ANKRD36: variants seen among roughly 807,000 people sequenced by gnomAD.
The protein encoded by ANKRD36 is ankyrin repeat domain-containing protein 36A.
In ANKRD36, 179 loss-of-function variants were observed where a neutral mutation model predicts 278.1. The ratio of observed to expected loss-of-function variants is 0.64; its 90% confidence interval spans 0.57 to 0.73. The LOEUF (loss-of-function observed/expected upper bound fraction) is 0.73, where lower values mean the gene tolerates loss of function less well. ANKRD36 is among the 30% of genes least tolerant of loss of function. ANKRD36 has a pLI of 0.00. For missense variants in ANKRD36, 1,159 were observed against 1,956.7 expected, an observed-to-expected ratio of 0.59 and a Z score of 7.69; for synonymous variants, 320 against 641.1, an observed-to-expected ratio of 0.50 and a Z score of 7.57.
At chr2:97,113,960 C>T in intron 1 of ANKRD36, 24 bp downstream of exon 1, 1 of 1,594,316 alleles carries the variant, frequency 6.3e-7, no homozygotes, top group Non-Finnish European at 8.5e-7. Flanking sequence ...GGAGCCGGGG[C>T]TGCGGGAGGA....
intron 54 of ANKRD36, among the ~76,000 whole-genome samples, chr2:97,208,976 A>G (rs1463460306): frequency 6.8e-6 from 1 of 146,746 alleles, no homozygotes; most frequent in Admixed American, 6.7e-5. Context: ...GTCAAAGTTG[A>G]TAATTGATGA....
intron 67 of ANKRD36, among the ~76,000 whole-genome samples, chr2:97,227,572 C>T (rs2070298081): frequency 6.6e-6 from 1 of 152,098 alleles, no homozygotes; most frequent in Non-Finnish European, 1.5e-5. Context: ...CGTCTGCAAA[C>T]AGGGACAATT....
intron 38 of ANKRD36, among the ~76,000 whole-genome samples, chr2:97,193,805 G>C (rs540543593): frequency 3.3e-5 from 5 of 151,500 alleles, no homozygotes; most frequent in Non-Finnish European, 7.4e-5. Context: ...CTTGTTCAAG[G>C]AGCTACCTCT....
intron 54 of ANKRD36, among the ~76,000 whole-genome samples, chr2:97,208,278 A>G (rs1421982305): frequency 6.8e-6 from 1 of 146,696 alleles, no homozygotes; most frequent in Non-Finnish European, 1.5e-5. Flanking sequence ...GAACAACATA[A>G]TTTTGCTTTA....
intron 66 of ANKRD36, among the ~76,000 whole-genome samples, chr2:97,222,182 C>A (rs899046678): frequency 6.6e-6 from 1 of 151,846 alleles, no homozygotes; most frequent in Admixed American, 6.6e-5. Context: ...GTTACTGTAG[C>A]CTTGTAGTAT....
intron 47 of ANKRD36, 34 bp from the exon 48 acceptor site, chr2:97,202,287 C>A (rs759053160): frequency 1.9e-6 from 3 of 1,599,350 alleles, no homozygotes; most frequent in Non-Finnish European, 8.5e-7. Context: ...ATGAAACATA[C>A]TTTATTTATT....
chr2:97,240,977 A>AC (rs2074226818), intron 68 of ANKRD36, among the ~76,000 whole-genome samples: 1 of 111,390 alleles, frequency 9.0e-6, no homozygotes, highest in Non-Finnish European at 1.7e-5. Flanking sequence ...CAATCACATA[A>AC]CTATGTTTTT....
rs577829445 is a variant in ANKRD36, at chr2:97,145,805, C to G, written c.1004-681C>G. ...CAAAAGTGTAGGCTCATTATTATAC[C>G]ACATGGGTATGAAAAATAATGAATA... On this transcript the variant is annotated intron_variant, in intron 10 of 75. Coordinates refer to ENST00000420699, the MANE Select transcript of ANKRD36 (RefSeq NM_001354587.1). Among the ~76,000 whole-genome samples the G allele has an allele frequency of 5.9e-5, 9 of 151,934 alleles. No individual in the cohort carries two copies. The South Asian group carries it at 1.9e-3, about 32-fold the overall frequency.
chr2:97,113,701 T>C lies in ANKRD36; in HGVS notation c.-39T>C, dbSNP rs1306127815. On this transcript the variant is annotated 5_prime_UTR_variant, in exon 1 of 76. Coordinates refer to ENST00000420699, the MANE Select transcript of ANKRD36 (RefSeq NM_001354587.1). ...GAGGCGGCGATCCCCGAAGGCGAGCTGAAATACGGCTGCAGGCTACAATTT... is the reference window on the plus strand; with the variant it reads ...GAGGCGGCGATCCCCGAAGGCGAGCCGAAATACGGCTGCAGGCTACAATTT... The C allele has an allele frequency of 6.2e-7, 1 of 1,610,794 alleles. No individual in the cohort carries two copies. The highest frequency in any genetic ancestry group is 1.3e-5 in the African/African-American group (1 of 74,746).
At chr2:97,198,058 T>C (rs1253014631) in intron 42 of ANKRD36, among the ~76,000 whole-genome samples, 1 of 151,898 alleles carries the variant, frequency 6.6e-6, no homozygotes, top group Admixed American at 6.6e-5. Context: ...GTTTGTAGTA[T>C]AATGGTGTAA....
At position 97,158,103 on chromosome 2, in the gene ANKRD36, C is replaced by T. The variant is rs1344154285; in HGVS notation, c.1261-4C>T. The T allele has an allele frequency of 1.6e-5, 24 of 1,468,242 alleles. No individual in the cohort carries two copies. Among genetic ancestry groups the T allele is most frequent in the Non-Finnish European group, 2.1e-5 (23 of 1,092,572 alleles). The allele number at this position is 1,468,242 out of a possible 1,614,324, so 91.0% of individuals were successfully genotyped here. On this transcript the variant is annotated splice_region_variant and splice_polypyrimidine_tract_variant and intron_variant, in intron 15 of 75. Transcript: ENST00000420699. ...GTTATTCTTAAACCTATTGTGTCTT[C>T]TAGAATATTTCAGAACCATACTTTA...
intron 6 of ANKRD36, among the ~76,000 whole-genome samples, chr2:97,133,838 C>G (rs1342780587): frequency 6.6e-6 from 1 of 151,292 alleles, no homozygotes; most frequent in South Asian, 2.1e-4. Flanking sequence ...CGCCATCCCC[C>G]CTCACGTGCA....
rs546299245 is a variant in ANKRD36, at chr2:97,158,168, G to T, written c.1321+1G>T. On this transcript the variant is annotated splice_donor_variant, in intron 16 of 75. Transcript: ENST00000420699. LOFTEE classifies it high-confidence loss of function. ...ATTTCTCAACAATCTGCAGAAAATT[G>T]TAAGCTATTTGAAACCTGACTATTA... is the stretch of plus-strand genomic sequence containing the variant. 3 of 1,500,318 alleles carry T rather than the reference G, an allele frequency of 2.0e-6. No homozygotes were observed. The highest frequency in any genetic ancestry group is 1.4e-5 in the African/African-American group (1 of 72,078). 92.9% of individuals were successfully genotyped at this position (1,500,318 alleles called of 1,614,324 possible). A position where few individuals can be genotyped will look rare whatever the true frequency, so the allele number is the denominator to read the frequency against.
intron 15 of ANKRD36, among the ~76,000 whole-genome samples, chr2:97,156,090 C>A (rs201222871): frequency 3.4e-5 from 5 of 145,560 alleles, no homozygotes; most frequent in Non-Finnish European, 6.2e-5. Context: ...ATAGGAAAGG[C>A]GGATACAGCG....
chr2:97,121,185 A>G (rs2036708940), intron 3 of ANKRD36, among the ~76,000 whole-genome samples: 1 of 152,058 alleles, frequency 6.6e-6, no homozygotes, highest in African/African-American at 2.4e-5. Context: ...TTGAATTTAG[A>G]TGGTGGTGTT....
Position 97,187,287 on chromosome 2 carries a change from A to C in ANKRD36, c.2071-42A>C, listed in dbSNP as rs767087522. Reference sequence around the variant, plus strand: ...ATCTATAGTCTATGAAATATACTTCATTGATTTATTTATTTATTATTTTCT... The same window carrying C: ...ATCTATAGTCTATGAAATATACTTCCTTGATTTATTTATTTATTATTTTCT... On this transcript the variant is annotated intron_variant, in intron 31 of 75. Transcript: ENST00000420699. 161 of 1,597,894 alleles carry C rather than the reference A, an allele frequency of 1.0e-4. 1 individual carries two copies. The African/African-American group carries it at 1.9e-3, about 19-fold the overall frequency.
chr2:97,181,048 A>C (rs1233941621), intron 24 of ANKRD36, among the ~76,000 whole-genome samples: 1 of 151,724 alleles, frequency 6.6e-6, no homozygotes, highest in East Asian at 1.9e-4. Flanking sequence ...AATAATGAAT[A>C]TTATCTACTA....
chr2:97,234,991 T>A (rs1317445170), intron 68 of ANKRD36, among the ~76,000 whole-genome samples: 1 of 140,478 alleles, frequency 7.1e-6, no homozygotes, highest in South Asian at 2.7e-4. Context: ...TTGTAGTATC[T>A]TTTGAAGAGC....
chr2:97,163,662 G>A (rs528517687), intron 18 of ANKRD36: 10 of 182,694 alleles, frequency 5.5e-5, no homozygotes, highest in Non-Finnish European at 1.1e-4. Context: ...TGCGAACTCC[G>A]CCTCCCGGGT....
Sources: allele counts gnomAD v4.1 joint callset (sites outside exome capture counted in the v4.1 genomes callset), GRCh38; gene constraint gnomAD v4.1.1; transcripts MANE v1.5; gene names NCBI Gene and HGNC (gene_info 2026-07-23, HGNC 2026-07-21).